The following ZFHX3 variants were observed in gnomAD, a reference collection of about 807,000 sequenced individuals.
ZFHX3 encodes zinc finger homeobox 3, also known as zinc finger homeobox protein 3.
A neutral mutation model predicts 279.1 loss-of-function variants in ZFHX3; 42 were observed. That is an observed-to-expected ratio of 0.15 (90% CI 0.12 to 0.19). The LOEUF is 0.19. Ranked by LOEUF, ZFHX3 falls within the 10% of genes least tolerant of loss-of-function variation. The probability of loss-of-function intolerance (pLI) is 1.00; values close to 1 mark genes in which losing one functional copy is unlikely to be tolerated. For synonymous variants in ZFHX3, 2,293 were observed against 1,957.8 expected (o/e 1.17, Z -4.52); for missense variants, 4,981 against 4,754.0 (o/e 1.05, Z -1.40).
intron 5 of ZFHX3, among the ~76,000 whole-genome samples, chr16:73,195,413 A>ATTT (rs9302646): frequency 7.5e-5 from 7 of 93,110 alleles, no homozygotes; most frequent in East Asian, 2.5e-4. Context: ...TGTCTTTACT[A>ATTT]TTTTTTTTTT....
At chr16:73,672,315 T>A (rs1263857668) in intron 2 of ZFHX3, among the ~76,000 whole-genome samples, 1 of 152,160 alleles carries the variant, frequency 6.6e-6, no homozygotes, top group Non-Finnish European at 1.5e-5. Flanking sequence ...ATCACCAATA[T>A]TAACCCTTAA....
chr16:73,476,995 T>G (rs2018776490), intron 2 of ZFHX3, among the ~76,000 whole-genome samples: 1 of 152,224 alleles, frequency 6.6e-6, no homozygotes, highest in East Asian at 1.9e-4. Context: ...CAATTTTTCT[T>G]CTGTCTCAAA....
chr16:73,791,478 G>A (rs1959822855), intron 1 of ZFHX3, among the ~76,000 whole-genome samples: 1 of 152,072 alleles, frequency 6.6e-6, no homozygotes, highest in South Asian at 2.1e-4. Flanking sequence ...AGGCCGGAGT[G>A]CAGCGGCGCC....
At chr16:73,383,852 C>T (rs1377114064) in intron 3 of ZFHX3, among the ~76,000 whole-genome samples, 1 of 152,222 alleles carries the variant, frequency 6.6e-6, no homozygotes, top group South Asian at 2.1e-4. Context: ...AACAGCGGTG[C>T]CTCGTGCTCT....
intron 2 of ZFHX3, among the ~76,000 whole-genome samples, chr16:73,503,683 T>C (rs1426043097): frequency 6.6e-6 from 1 of 152,190 alleles, no homozygotes; most frequent in Non-Finnish European, 1.5e-5. Flanking sequence ...AGAGCAAAGA[T>C]ATCAAATGCA....
chr16:73,465,634 T>C (rs1039231570), intron 2 of ZFHX3, among the ~76,000 whole-genome samples: 2 of 152,166 alleles, frequency 1.3e-5, no homozygotes, highest in Admixed American at 1.3e-4. Context: ...GCACCCCAGG[T>C]GAGGAGCCCC....
At chr16:72,928,834 T>C (rs1959633751) in intron 3 of ZFHX3, among the ~76,000 whole-genome samples, 1 of 151,998 alleles carries the variant, frequency 6.6e-6, no homozygotes, top group African/African-American at 2.4e-5. Flanking sequence ...TGGTGGTATG[T>C]GCCTGTAGTC....
At chr16:73,342,482 A>T (rs577764730) in intron 3 of ZFHX3, among the ~76,000 whole-genome samples, 2 of 152,214 alleles carry the variant, frequency 1.3e-5, no homozygotes, top group African/African-American at 4.8e-5. Context: ...GTGCGGTACT[A>T]TTCGGCTGGA....
In ZFHX3 at chr16:72,797,294, G is replaced by T. The variant is rs1476137598; in HGVS notation, c.5388C>A (p.Leu1796=). ...TLLQLQQQQH[L]LFPFYIPSAE... Reference sequence around the variant, plus strand: ...CACTGGGGATGTAGAAAGGGAAGAGGAGGTGCTGCTGCTGCTGTAGTTGCA... The same window carrying T: ...CACTGGGGATGTAGAAAGGGAAGAGTAGGTGCTGCTGCTGCTGTAGTTGCA... Residue 1796 remains leucine, a synonymous_variant, in exon 9 of 10, where the codon CTC becomes CTA. Coordinates refer to ENST00000268489, the MANE Select transcript of ZFHX3 (RefSeq NM_006885.4). The T allele has an allele frequency of 6.2e-7, 1 of 1,608,758 alleles. No homozygotes were observed. Among genetic ancestry groups the T allele is most frequent in the East Asian group, 2.2e-5 (1 of 44,816 alleles).
intron 2 of ZFHX3, among the ~76,000 whole-genome samples, chr16:73,464,796 C>G (rs189179867): frequency 1.3e-5 from 2 of 152,236 alleles, no homozygotes; most frequent in Non-Finnish European, 2.9e-5. Context: ...GTCCCAGACC[C>G]GCCTTTGGGT....
At chr16:73,472,987 CTTT>C (rs200651358) in intron 2 of ZFHX3, among the ~76,000 whole-genome samples, 1 of 143,022 alleles carries the variant, frequency 7.0e-6, no homozygotes, top group Admixed American at 7.0e-5. Context: ...AGTGTGCTGT[CTTT>C]TTTTTTTTTT....
chr16:72,885,102 G>A (rs1212768567), intron 4 of ZFHX3, among the ~76,000 whole-genome samples: 1 of 152,250 alleles, frequency 6.6e-6, no homozygotes, highest in Non-Finnish European at 1.5e-5. Context: ...CAGCAGGCTT[G>A]TGTGCTTGTG....
chr16:73,106,580 G>A (rs1225160901), intron 7 of ZFHX3, among the ~76,000 whole-genome samples: 1 of 152,106 alleles, frequency 6.6e-6, no homozygotes. Flanking sequence ...TATGACATTT[G>A]CAGCTAGTTT....
intron 3 of ZFHX3, among the ~76,000 whole-genome samples, chr16:73,324,104 A>T (rs1409494757): frequency 6.6e-6 from 1 of 152,244 alleles, no homozygotes; most frequent in Non-Finnish European, 1.5e-5. Flanking sequence ...TGAGCTGGGC[A>T]TGTAGCCAAG....
At chr16:73,489,879 C>T (rs962885216) in intron 2 of ZFHX3, among the ~76,000 whole-genome samples, 1 of 152,064 alleles carries the variant, frequency 6.6e-6, no homozygotes, top group Non-Finnish European at 1.5e-5. Flanking sequence ...GGAGATTAGT[C>T]ACTGAAATCT....
At chr16:73,220,899 G>C (rs2012394322) in intron 5 of ZFHX3, among the ~76,000 whole-genome samples, 1 of 152,150 alleles carries the variant, frequency 6.6e-6, no homozygotes, top group African/African-American at 2.4e-5. Flanking sequence ...CACGGGCGAT[G>C]GATGTTTTTG....
intron 1 of ZFHX3, among the ~76,000 whole-genome samples, chr16:73,053,282 T>C (rs1372986980): frequency 6.6e-6 from 1 of 152,140 alleles, no homozygotes; most frequent in Non-Finnish European, 1.5e-5. Context: ...ACGGCCTTTA[T>C]ATCTACGAAA....
chr16:73,081,623 T>C (rs1965946351), intron 8 of ZFHX3: 1 of 152,182 alleles, frequency 6.6e-6, no homozygotes, highest in Admixed American at 6.5e-5. Context: ...GTATTCTCTA[T>C]TTCCCTGTTC....
At chr16:72,857,681 T>C (rs1232719568) in intron 4 of ZFHX3, among the ~76,000 whole-genome samples, 2 of 150,980 alleles carry the variant, frequency 1.3e-5, no homozygotes, top group Non-Finnish European at 2.9e-5. Context: ...CAAGATCCTG[T>C]CTCTGTAATT....
Sources: gnomAD v4.1 joint callset for allele counts (sites outside exome capture counted in the v4.1 genomes callset) on GRCh38, gnomAD v4.1.1 for gene constraint, MANE v1.5 for transcripts, NCBI Gene and HGNC (gene_info 2026-07-23, HGNC 2026-07-21) for gene names.